ATP8A2: variants seen among roughly 807,000 people sequenced by gnomAD.
ATP8A2 encodes phospholipid-transporting ATPase IB.
A neutral mutation model predicts 165.6 loss-of-function variants in ATP8A2; 100 were observed. That is an observed-to-expected ratio of 0.60 (90% CI 0.51 to 0.71). The LOEUF (loss-of-function observed/expected upper bound fraction) is 0.71, where lower values mean the gene tolerates loss of function less well. Ranked by LOEUF, ATP8A2 falls within the 30% of genes least tolerant of loss-of-function variation. The pLI is 0.00. For synonymous variants in ATP8A2, 543 were observed against 548.8 expected (o/e 0.99, Z 0.15); for missense variants, 1,227 against 1,479.5 (o/e 0.83, Z 2.80).
chr13:25,626,286 G>A (rs539470808), intron 24 of ATP8A2, among the ~76,000 whole-genome samples: 47 of 152,244 alleles, frequency 3.1e-4, no homozygotes, highest in Admixed American at 6.5e-4. Context: ...TGGAGGCTGG[G>A]AAGTCCAAGA....
At chr13:25,415,009 C>G (rs766493994) in intron 1 of ATP8A2, among the ~76,000 whole-genome samples, 3 of 152,148 alleles carry the variant, frequency 2.0e-5, no homozygotes, top group African/African-American at 7.2e-5. Flanking sequence ...GAGCATGATG[C>G]TTTTGCTCAG....
intron 28 of ATP8A2, among the ~76,000 whole-genome samples, chr13:25,828,582 A>G (rs1010435353): frequency 6.6e-6 from 1 of 152,210 alleles, no homozygotes; most frequent in Non-Finnish European, 1.5e-5. Context: ...ATACAAATGT[A>G]CAGTGTGTGA....
chr13:25,876,062 A>C (rs1362263791), intron 33 of ATP8A2, among the ~76,000 whole-genome samples: 4 of 152,166 alleles, frequency 2.6e-5, no homozygotes, highest in African/African-American at 9.7e-5. Context: ...GTGTAGTTGG[A>C]GACAGGTTTT....
At chr13:25,937,284 C>G (rs1593588897) in intron 33 of ATP8A2, among the ~76,000 whole-genome samples, 1 of 150,232 alleles carries the variant, frequency 6.7e-6, no homozygotes, top group East Asian at 2.0e-4. Context: ...ACCAAAATCT[C>G]AAGTGCAGTC....
At chr13:25,478,458 T>G (rs2036057097) in intron 2 of ATP8A2, among the ~76,000 whole-genome samples, 1 of 152,188 alleles carries the variant, frequency 6.6e-6, no homozygotes, top group Admixed American at 6.5e-5. Flanking sequence ...AGGAGAGGTC[T>G]GACCATTGTG....
At chr13:25,500,257 A>G (rs2036813018) in intron 2 of ATP8A2, among the ~76,000 whole-genome samples, 1 of 152,154 alleles carries the variant, frequency 6.6e-6, no homozygotes, top group South Asian at 2.1e-4. Flanking sequence ...CTGGGGAGAG[A>G]GGGCTCTTGT....
At chr13:25,842,602 G>A (rs1186681844) in intron 30 of ATP8A2, among the ~76,000 whole-genome samples, 7 of 151,982 alleles carry the variant, frequency 4.6e-5, no homozygotes, top group African/African-American at 1.7e-4. Context: ...AACCCGGGAG[G>A]TGGAGGTTGC....
chr13:25,652,146 A>T (rs567336435), intron 24 of ATP8A2, among the ~76,000 whole-genome samples: 43 of 152,244 alleles, frequency 2.8e-4, no homozygotes, highest in African/African-American at 8.9e-4. Flanking sequence ...CGCACTCACT[A>T]AATGTAGGGG....
In ATP8A2 at chr13:25,561,280, C is replaced by T. The variant is rs111623038; in HGVS notation, c.1397+1515C>T. ...ATAATTTTCCTCCTCTCCAGCTTCC[C>T]TGTTCCCTCTGCATCTCTTGATAGT... On this transcript the variant is annotated intron_variant, in intron 15 of 36. Transcript: ENST00000381655. Among the ~76,000 whole-genome samples, 535 of 152,234 alleles carry T rather than the reference C, an allele frequency of 3.5e-3. 9 individuals carry two copies. Among genetic ancestry groups the T allele is most frequent in the African/African-American group, 0.012 (486 of 41,532 alleles).
intron 1 of ATP8A2, among the ~76,000 whole-genome samples, chr13:25,430,592 G>GTTGTTGTTTGTTTTTGTTT (rs1378752583): frequency 6.6e-6 from 1 of 151,968 alleles, no homozygotes; most frequent in African/African-American, 2.4e-5. Flanking sequence ...GGTTTTTGTT[G>GTTGTTGTTTGTTTTTGTTT]TTGTTGTTTG....
At position 25,443,960 on chromosome 13, in the gene ATP8A2, A is replaced by G. The variant is rs191933160; in HGVS notation, c.77-25017A>G. 3.2e-3 allele frequency among the ~76,000 whole-genome samples: 487 copies of G among 152,362 alleles called. 3 individuals carry two copies. The highest frequency in any genetic ancestry group is 4.5e-3 in the Non-Finnish European group (308 of 68,030). On this transcript the variant is annotated intron_variant, in intron 1 of 36. Transcript: ENST00000381655. ...GTCTTTTATTTTTGAGATTTAGCAT[A>G]AAGTATATAAATGTAAGGTACATAC...
chr13:25,838,831 A>G (rs1951688728), intron 29 of ATP8A2, among the ~76,000 whole-genome samples: 1 of 152,204 alleles, frequency 6.6e-6, no homozygotes, highest in African/African-American at 2.4e-5. Flanking sequence ...TGAGCAACGC[A>G]GAAGACAGGT....
At chr13:25,769,936 C>G (rs1364886472) in intron 26 of ATP8A2, among the ~76,000 whole-genome samples, 1 of 152,126 alleles carries the variant, frequency 6.6e-6, no homozygotes, top group African/African-American at 2.4e-5. Flanking sequence ...AGGTCCACTC[C>G]GTAATGATAG....
At chr13:25,958,930 A>G (rs561045159) in intron 33 of ATP8A2, among the ~76,000 whole-genome samples, 5 of 152,310 alleles carry the variant, frequency 3.3e-5, no homozygotes, top group South Asian at 2.1e-4. Context: ...AATATTTTAC[A>G]TATTTACAGG....
At chr13:25,512,837 C>T (rs2037295034) in intron 2 of ATP8A2, among the ~76,000 whole-genome samples, 1 of 142,534 alleles carries the variant, frequency 7.0e-6, no homozygotes, top group African/African-American at 2.6e-5. Flanking sequence ...AGAGGGGCTC[C>T]TCACTTTCCA....
intron 24 of ATP8A2, among the ~76,000 whole-genome samples, chr13:25,691,063 A>G (rs2137864330): frequency 6.6e-6 from 1 of 152,352 alleles, no homozygotes; most frequent in Admixed American, 6.5e-5. Context: ...ATGAATCTGA[A>G]AGCATCAGGC....
chr13:25,790,510 AC>A (rs776167073), intron 27 of ATP8A2, among the ~76,000 whole-genome samples: 11 of 143,742 alleles, frequency 7.7e-5, no homozygotes, highest in Non-Finnish European at 1.5e-4. Context: ...ACATGGCAAA[AC>A]CCTGTCTCTG....
intron 35 of ATP8A2, among the ~76,000 whole-genome samples, chr13:25,974,292 A>G (rs988866828): frequency 2.0e-5 from 3 of 152,196 alleles, no homozygotes; most frequent in Non-Finnish European, 2.9e-5. Context: ...TAACAAGTAC[A>G]TTTCACTGGC....
chr13:25,710,320 T>G (rs1593232415), intron 25 of ATP8A2, among the ~76,000 whole-genome samples: 2 of 152,262 alleles, frequency 1.3e-5, no homozygotes, highest in African/African-American at 2.4e-5. Flanking sequence ...AATAAATTAT[T>G]GTTAACTATA....
Sources: gnomAD v4.1 joint callset for allele counts (sites outside exome capture counted in the v4.1 genomes callset) on GRCh38, gnomAD v4.1.1 for gene constraint, MANE v1.5 for transcripts, NCBI Gene and HGNC (gene_info 2026-07-23, HGNC 2026-07-21) for gene names.